The following FBXW2 variants were observed in gnomAD, a reference collection of about 807,000 sequenced individuals.
FBXW2 encodes F-box/WD repeat-containing protein 2.
A neutral mutation model predicts 46.0 loss-of-function variants in FBXW2; 12 were observed. The ratio of observed to expected loss-of-function variants is 0.26; its 90% CI spans 0.17 to 0.42. FBXW2 has a LOEUF of 0.42. FBXW2 is among the 10% of genes least tolerant of loss of function. The pLI is 1.00. For missense variants in FBXW2, 360 were observed against 537.0 expected, an observed-to-expected ratio of 0.67 and a Z score of 3.26; for synonymous variants, 203 against 209.6, an observed-to-expected ratio of 0.97 and a Z score of 0.27.
At chr9:120,775,841 A>C (rs2044481533) in intron 5 of FBXW2, among the ~76,000 whole-genome samples, 1 of 152,130 alleles carries the variant, frequency 6.6e-6, no homozygotes, top group Non-Finnish European at 1.5e-5. Flanking sequence ...TTTTGTATGT[A>C]ATCTGTTTTA....
chr9:120,766,673 GA>G (rs2044281634), intron 7 of FBXW2, among the ~76,000 whole-genome samples: 1 of 152,024 alleles, frequency 6.6e-6, no homozygotes, highest in African/African-American at 2.4e-5. Flanking sequence ...CCATGTTGGC[GA>G]GATGGTCTCG....
rs888028920 is a variant in FBXW2, at chr9:120,786,390, T to C, written c.490+1379A>G. 2.6e-5 allele frequency among the ~76,000 whole-genome samples: 4 copies of C among 152,190 alleles called. No individual in the cohort carries two copies. In the East Asian group the frequency reaches 7.7e-4, roughly 29 times the overall value. On this transcript the variant is annotated intron_variant, in intron 3 of 7. Transcript: ENST00000608872. ...CTCTCCTGCTGCCTTGTGAACAAGGTGCTTGCTTCCCCTTCGCCTTCCGCC... is the reference window on the plus strand; with the variant it reads ...CTCTCCTGCTGCCTTGTGAACAAGGCGCTTGCTTCCCCTTCGCCTTCCGCC...
At chr9:120,781,001 T>C (rs1479009001) in intron 3 of FBXW2, among the ~76,000 whole-genome samples, 3 of 151,918 alleles carry the variant, frequency 2.0e-5, no homozygotes, top group Admixed American at 6.6e-5. Context: ...AAGCTGGGCT[T>C]TGGTATAGGA....
chr9:120,775,345 TA>T (rs1312426114), intron 5 of FBXW2, among the ~76,000 whole-genome samples: 1 of 152,290 alleles, frequency 6.6e-6, no homozygotes, highest in East Asian at 1.9e-4. Context: ...TGCCTGGCCC[TA>T]GACTGTCTTA....
rs79055038 is a variant in FBXW2, at chr9:120,763,987, A to T, written c.*572T>A. 0.01 allele frequency: 1,651 copies of T among 161,376 alleles called. 20 individuals are homozygous for T. Among genetic ancestry groups the T allele is most frequent in the African/African-American group, 0.037 (1,557 of 41,978 alleles). The allele number at this position is 161,376 out of a possible 1,614,324, so 10.0% of individuals were successfully genotyped here. A position where few individuals can be genotyped will look rare whatever the true frequency, so the allele number is the denominator to read the frequency against. The stretch of plus-strand genomic sequence containing the variant: ...GTTTAGAATGAGTTGCTAACATTCA[A>T]TTTACAGAATTGGATTTGAACTGGA... On this transcript the variant is annotated 3_prime_UTR_variant, in exon 8 of 8. Coordinates refer to ENST00000608872, the MANE Select transcript of FBXW2 (RefSeq NM_012164.4).
chr9:120,789,252 A>G (rs1321928326), intron 2 of FBXW2, among the ~76,000 whole-genome samples: 1 of 152,228 alleles, frequency 6.6e-6, no homozygotes, highest in African/African-American at 2.4e-5. Flanking sequence ...CTCTAAAATA[A>G]GTGACAACCA....
chr9:120,776,096 G>T lies in FBXW2; in HGVS notation c.816C>A (p.Thr272=). The change falls in exon 5 of 8, where the codon ACC becomes ACA. Residue 272 remains threonine, a synonymous_variant. Coordinates refer to ENST00000608872, the MANE Select transcript of FBXW2 (RefSeq NM_012164.4). ...NTLTGHTEWV[T]KVVLQKCKVK... is the part of the protein sequence containing the mutation. Reference sequence around the variant, plus strand: ...GACTTCTTCCAAGTCTTCCTACCTTGGTGACCCATTCCGTGTGCCCGGTGA... The same window carrying T: ...GACTTCTTCCAAGTCTTCCTACCTTTGTGACCCATTCCGTGTGCCCGGTGA... 1 of 1,613,588 alleles carries T rather than the reference G, an allele frequency of 6.2e-7. No individual in the cohort carries two copies. The highest frequency in any genetic ancestry group is 8.5e-7 in the Non-Finnish European group (1 of 1,179,876).
chr9:120,776,236 A>G lies in FBXW2; in HGVS notation c.686-10T>C. The stretch of plus-strand genomic sequence containing the variant: ...TAGTCCACGCTAAATACTAGTGCAT[A>G]TAATTACACAAAGTTAAAACATGTC... On this transcript the variant is annotated splice_polypyrimidine_tract_variant and intron_variant, in intron 4 of 7. Transcript: ENST00000608872. The G allele has an allele frequency of 6.2e-7, 1 of 1,611,752 alleles. No homozygotes were observed. Among genetic ancestry groups the G allele is most frequent in the Non-Finnish European group, 8.5e-7 (1 of 1,179,204 alleles).
At position 120,758,867 on chromosome 9, in the gene FBXW2, G is replaced by C. The variant is rs2131251850; in HGVS notation, c.*5692C>G. ...GATAGACACATCCTTGGGCAAAAGAGAGGAAGACTATTCCAAGGTCTGGAA... is the reference window on the plus strand; with the variant it reads ...GATAGACACATCCTTGGGCAAAAGACAGGAAGACTATTCCAAGGTCTGGAA... On this transcript the variant is annotated 3_prime_UTR_variant, in exon 8 of 8. Coordinates refer to ENST00000608872, the MANE Select transcript of FBXW2 (RefSeq NM_012164.4). The C allele has an allele frequency of 6.6e-6, 1 of 152,324 alleles. No individual in the cohort carries two copies. The highest frequency in any genetic ancestry group is 2.4e-5 in the African/African-American group (1 of 41,562). The allele number at this position is 152,324 out of a possible 1,614,324, so 9.4% of individuals were successfully genotyped here. A position where few individuals can be genotyped will look rare whatever the true frequency, so the allele number is the denominator to read the frequency against.
At position 120,761,369 on chromosome 9, in the gene FBXW2, G is replaced by C. The variant is rs1588019123; in HGVS notation, c.*3190C>G. ...GTGTCACCCAAGAAATCCAATCCTT[G>C]TAAGAAAGGATAGGGCTTATCTTCT... On this transcript the variant is annotated 3_prime_UTR_variant, in exon 8 of 8. Transcript: ENST00000608872. The C allele has an allele frequency of 6.6e-6, 1 of 152,258 alleles. No individual in the cohort carries two copies. The highest frequency in any genetic ancestry group is 2.1e-4 in the South Asian group (1 of 4,822). 9.4% of individuals were successfully genotyped at this position (152,258 alleles called of 1,614,324 possible). A position where few individuals can be genotyped will look rare whatever the true frequency, so the allele number is the denominator to read the frequency against.
chr9:120,763,253 A>C lies in FBXW2; in HGVS notation c.*1306T>G, dbSNP rs891968642. 3.9e-5 allele frequency: 6 copies of C among 152,208 alleles called. No homozygotes were observed. Among genetic ancestry groups the C allele is most frequent in the African/African-American group, 1.4e-4 (6 of 41,454 alleles). 9.4% of individuals were successfully genotyped at this position (152,208 alleles called of 1,614,324 possible). A position where few individuals can be genotyped will look rare whatever the true frequency, so the allele number is the denominator to read the frequency against. Reference sequence around the variant, plus strand: ...TCCAGGGGACAGCACAATCCTCCCCAGAATGTTTTACTCATTTATGTTACC... The same window carrying C: ...TCCAGGGGACAGCACAATCCTCCCCCGAATGTTTTACTCATTTATGTTACC... On this transcript the variant is annotated 3_prime_UTR_variant, in exon 8 of 8. Transcript: ENST00000608872.
At chr9:120,791,561 T>C (rs2044842199) in intron 2 of FBXW2, among the ~76,000 whole-genome samples, 1 of 152,164 alleles carries the variant, frequency 6.6e-6, no homozygotes, top group African/African-American at 2.4e-5. Flanking sequence ...AAAACTCAAA[T>C]GGTACTTTTT....
rs181324193 is a variant in FBXW2 at position 120,791,840 on chromosome 9, T to C, written c.-21+1309A>G. On this transcript the variant is annotated intron_variant, in intron 2 of 7. Transcript: ENST00000608872. ...GTTTGGCCCCCTTACCCTACGTCCC[T>C]ACCCCAGAGTTAACATTCAACTTGC... Among the ~76,000 whole-genome samples, 27 of 152,280 alleles carry C rather than the reference T, an allele frequency of 1.8e-4. No homozygotes were observed. The East Asian group carries it at 4.8e-3, about 27-fold the overall frequency.
intron 6 of FBXW2, among the ~76,000 whole-genome samples, chr9:120,772,180 C>T (rs532009578): frequency 8.6e-4 from 130 of 150,726 alleles, no homozygotes; most frequent in East Asian, 2.7e-3. Context: ...GAATTAAGGA[C>T]GGTAGGAGAT....
intron 4 of FBXW2, 46 bp downstream of exon 4, chr9:120,778,305 A>G: frequency 6.6e-7 from 1 of 1,518,804 alleles, no homozygotes; most frequent in Middle Eastern, 2.5e-4. Context: ...CCTGGCTTAA[A>G]AGGATGAGGC....
At chr9:120,778,582 A>T in intron 3 of FBXW2, 37 bp from the exon 4 acceptor site, 1 of 1,573,322 alleles carries the variant, frequency 6.4e-7, no homozygotes, top group Middle Eastern at 1.7e-4. Flanking sequence ...TAAGAAAACA[A>T]ACACACTAAA....
At chr9:120,786,041 A>G (rs2131366299) in intron 3 of FBXW2, among the ~76,000 whole-genome samples, 1 of 150,098 alleles carries the variant, frequency 6.7e-6, no homozygotes, top group African/African-American at 2.4e-5. Flanking sequence ...AAAAAAAAAA[A>G]AAGAGCTATA....
At chr9:120,781,697 C>G (rs771967253) in intron 3 of FBXW2, among the ~76,000 whole-genome samples, 12 of 150,474 alleles carry the variant, frequency 8.0e-5, no homozygotes, top group Non-Finnish European at 1.6e-4. Flanking sequence ...CACATATATA[C>G]ATACATGGAA....
chr9:120,768,521 A>G (rs565284815), intron 7 of FBXW2, among the ~76,000 whole-genome samples: 99 of 152,288 alleles, frequency 6.5e-4, no homozygotes, highest in South Asian at 3.9e-3. Context: ...AATTCCTACA[A>G]AAGAGATCTA....
Sources: gnomAD v4.1 joint callset for allele counts (sites outside exome capture counted in the v4.1 genomes callset) on GRCh38, gnomAD v4.1.1 for gene constraint, MANE v1.5 for transcripts, NCBI Gene and HGNC (gene_info 2026-07-23, HGNC 2026-07-21) for gene names.